The following OPCML variants were observed in gnomAD, a reference collection of about 807,000 sequenced individuals.
The protein encoded by OPCML is opioid binding protein/cell adhesion molecule like.
OPCML carries 13 observed loss-of-function variants against 37.8 expected under a neutral mutation model. The ratio of observed to expected loss-of-function variants is 0.34; its 90% CI spans 0.22 to 0.55. The LOEUF is 0.55. Ranked by LOEUF, OPCML falls within the 20% of genes least tolerant of loss-of-function variation. OPCML has a pLI of 0.91. For missense variants in OPCML, 341 were observed against 435.6 expected, an observed-to-expected ratio of 0.78 and a Z score of 1.93; for synonymous variants, 176 against 168.8, an observed-to-expected ratio of 1.04 and a Z score of -0.33.
intron 1 of OPCML, among the ~76,000 whole-genome samples, chr11:133,202,810 C>T (rs2136322464): frequency 6.6e-6 from 1 of 152,362 alleles, no homozygotes; most frequent in South Asian, 2.1e-4. Flanking sequence ...TCACAGACAT[C>T]TCTGGGTGTG....
At chr11:132,428,067 C>T (rs1163081310) in intron 7 of OPCML, among the ~76,000 whole-genome samples, 1 of 152,176 alleles carries the variant, frequency 6.6e-6, no homozygotes, top group Non-Finnish European at 1.5e-5. Flanking sequence ...CTTTTGATGT[C>T]TCTGCAAGAA....
At chr11:133,083,964 G>C (rs1401945135) in intron 1 of OPCML, among the ~76,000 whole-genome samples, 2 of 152,078 alleles carry the variant, frequency 1.3e-5, no homozygotes, top group Admixed American at 1.3e-4. Flanking sequence ...TTATTGTCTG[G>C]AATTGTTATT....
At chr11:132,910,720 A>G (rs1357029433) in intron 2 of OPCML, among the ~76,000 whole-genome samples, 1 of 152,228 alleles carries the variant, frequency 6.6e-6, no homozygotes, top group Non-Finnish European at 1.5e-5. Flanking sequence ...AAATATAAAT[A>G]TATGCACACA....
intron 1 of OPCML, among the ~76,000 whole-genome samples, chr11:133,427,412 G>A (rs1040179346): frequency 2.5e-5 from 3 of 120,330 alleles, no homozygotes; most frequent in African/African-American, 9.3e-5. Flanking sequence ...GCAGAGCGGG[G>A]CCGGGGGTGG....
At chr11:132,897,872 C>A (rs922385489) in intron 2 of OPCML, among the ~76,000 whole-genome samples, 16 of 152,158 alleles carry the variant, frequency 1.1e-4, no homozygotes, top group African/African-American at 3.9e-4. Flanking sequence ...GTGGATAGAT[C>A]TCTCTGAGTC....
intron 1 of OPCML, among the ~76,000 whole-genome samples, chr11:133,317,889 C>A (rs1943242543): frequency 6.6e-6 from 1 of 152,208 alleles, no homozygotes; most frequent in African/African-American, 2.4e-5. Flanking sequence ...TTCTACAAAG[C>A]TTTTTGCTGT....
chr11:133,241,793 G>A (rs544137488), intron 1 of OPCML, among the ~76,000 whole-genome samples: 34 of 152,230 alleles, frequency 2.2e-4, no homozygotes, highest in Non-Finnish European at 4.6e-4. Context: ...CACCCACTGC[G>A]GGCCATCCTC....
intron 2 of OPCML, among the ~76,000 whole-genome samples, chr11:132,853,858 A>T (rs1941925304): frequency 6.6e-6 from 1 of 152,210 alleles, no homozygotes; most frequent in Non-Finnish European, 1.5e-5. Context: ...TTCATCACCA[A>T]AATGTGCAGG....
At chr11:132,970,059 G>C (rs1186937382) in intron 1 of OPCML, among the ~76,000 whole-genome samples, 1 of 151,880 alleles carries the variant, frequency 6.6e-6, no homozygotes, top group Non-Finnish European at 1.5e-5. Flanking sequence ...GACCCTCCTG[G>C]CTCTCTTGTT....
In OPCML at chr11:133,206,151, G is replaced by A. The variant is rs1312336337; in HGVS notation, c.62-263141C>T. On this transcript the variant is annotated intron_variant, in intron 1 of 7. Coordinates refer to ENST00000524381, the MANE Select transcript of OPCML (RefSeq NM_001012393.5). This position sits in a 1 kb window ranked among gnomAD's most constrained non-coding sequence, Gnocchi z 4.7. ...CTATATTTTATAAGGCTGTTTCAAG[G>A]TTTCAAAAAGACAATGCACAAAAAA... 3.3e-5 allele frequency among the ~76,000 whole-genome samples: 5 copies of A among 152,282 alleles called. No individual in the cohort carries two copies. Among genetic ancestry groups the A allele is most frequent in the Middle Eastern group, 3.4e-3 (1 of 294 alleles).
chr11:133,323,414 A>G (rs953384234), intron 1 of OPCML, among the ~76,000 whole-genome samples: 1 of 152,188 alleles, frequency 6.6e-6, no homozygotes, highest in Non-Finnish European at 1.5e-5. Context: ...GAAAAATAAT[A>G]TGGTTAGAAC....
intron 1 of OPCML, chr11:133,302,193 T>A (rs1942797363): frequency 6.6e-6 from 1 of 152,184 alleles, no homozygotes. Context: ...TGAATTGTAA[T>A]CTCCATAATC....
chr11:133,214,645 C>A (rs138566698), intron 1 of OPCML, among the ~76,000 whole-genome samples: 4 of 152,272 alleles, frequency 2.6e-5, no homozygotes, highest in Non-Finnish European at 4.4e-5. Flanking sequence ...TCCCAGACAC[C>A]TTTTGAGCTT....
intron 1 of OPCML, among the ~76,000 whole-genome samples, chr11:133,132,337 A>G (rs192940209): frequency 6.6e-6 from 1 of 152,296 alleles, no homozygotes; most frequent in Non-Finnish European, 1.5e-5. Context: ...ACAAGCCACT[A>G]CAACACTATT....
At chr11:133,464,584 G>A (rs1029928634) in intron 1 of OPCML, among the ~76,000 whole-genome samples, 2 of 152,108 alleles carry the variant, frequency 1.3e-5, no homozygotes, top group Non-Finnish European at 2.9e-5. Context: ...AACACATCAA[G>A]GTATTAACAT....
At chr11:132,454,778 C>T (rs2096077334) in intron 4 of OPCML, among the ~76,000 whole-genome samples, 1 of 152,234 alleles carries the variant, frequency 6.6e-6, no homozygotes, top group Non-Finnish European at 1.5e-5. Context: ...CACACCAGCA[C>T]ATAAATTGCT....
chr11:133,423,193 C>A, intron 1 of OPCML: 1 of 985,366 alleles, frequency 1.0e-6, no homozygotes, highest in African/African-American at 1.7e-5. Context: ...CTTTATTCTT[C>A]AGTACTCAAT....
At chr11:133,455,094 C>T (rs1172754271) in intron 1 of OPCML, among the ~76,000 whole-genome samples, 2 of 152,160 alleles carry the variant, frequency 1.3e-5, no homozygotes, top group Non-Finnish European at 2.9e-5. Flanking sequence ...TTAATCGAAG[C>T]TCCAAGTTCA....
intron 4 of OPCML, among the ~76,000 whole-genome samples, chr11:132,494,202 G>A (rs982515100): frequency 6.6e-6 from 1 of 152,224 alleles, no homozygotes; most frequent in Non-Finnish European, 1.5e-5. Context: ...GAAGGACAAT[G>A]TCAGTTGAAA....
Sources: gnomAD v4.1 joint callset for allele counts (sites outside exome capture counted in the v4.1 genomes callset) on GRCh38, gnomAD v4.1.1 for gene constraint, Gnocchi (gnomAD v3.1) non-coding constraint, MANE v1.5 for transcripts, NCBI Gene and HGNC (gene_info 2026-07-23, HGNC 2026-07-21) for gene names.